CNTN4: variants seen among roughly 807,000 people sequenced by gnomAD.
CNTN4 encodes the protein contactin-4.
Under a neutral mutation model 122.5 loss-of-function variants are expected in CNTN4, and 77 were observed. That is an observed-to-expected ratio of 0.63 (90% CI 0.52 to 0.76). The LOEUF (loss-of-function observed/expected upper bound fraction) is 0.76. Ranked by LOEUF, CNTN4 falls within the 30% of genes least tolerant of loss-of-function variation. The probability of loss-of-function intolerance (pLI) is 0.00; values close to 1 mark genes in which losing one functional copy is unlikely to be tolerated. For missense variants in CNTN4, 1,256 were observed against 1,259.1 expected (o/e 1.00, Z 0.04); for synonymous variants, 512 against 447.0 (o/e 1.15, Z -1.83).
Position 2,837,521 on chromosome 3 carries a change from C to G in CNTN4, c.454+17940C>G, listed in dbSNP as rs190672656. On this transcript the variant is annotated intron_variant, in intron 7 of 24. Coordinates refer to ENST00000418658, the MANE Select transcript of CNTN4 (RefSeq NM_175607.3). ...CAGTGACGTGCATTTCATCTGCACA[C>G]AGCAACGGTCAGACTACTTGGCTTT... 2.0e-4 allele frequency among the ~76,000 whole-genome samples: 30 copies of G among 152,262 alleles called. No individual in the cohort carries two copies. In the East Asian group the frequency reaches 5.8e-3, roughly 29 times the overall value.
chr3:2,659,234 G>A (rs574677661), intron 4 of CNTN4, among the ~76,000 whole-genome samples: 10 of 152,024 alleles, frequency 6.6e-5, no homozygotes, highest in Admixed American at 2.6e-4. Flanking sequence ...AGGCCAAGGC[G>A]AGCAGATCAC....
rs187469768 is a variant in CNTN4, at chr3:2,193,218, T to C, written c.-145+92579T>C. On this transcript the variant is annotated intron_variant, in intron 2 of 24. Transcript: ENST00000418658. ...ATCTCTTCAGTACAGAATTTCATTC[T>C]TTTTGGAAAATTCCCTCCACATATC... Among the ~76,000 whole-genome samples the C allele has an allele frequency of 1.7e-3, 263 of 152,274 alleles. 1 individual carries two copies. The highest frequency in any genetic ancestry group is 6.0e-3 in the African/African-American group (248 of 41,554).
intron 3 of CNTN4, among the ~76,000 whole-genome samples, chr3:2,472,594 G>A (rs1248054703): frequency 6.6e-6 from 1 of 152,096 alleles, no homozygotes; most frequent in African/African-American, 2.4e-5. Flanking sequence ...ATGATAGAAT[G>A]CAATAAAGGT....
At chr3:2,587,990 C>A (rs539100994) in intron 4 of CNTN4, among the ~76,000 whole-genome samples, 1 of 151,948 alleles carries the variant, frequency 6.6e-6, no homozygotes, top group Non-Finnish European at 1.5e-5. Context: ...TCTAGGTCAG[C>A]GTTTCCCAAA....
intron 4 of CNTN4, among the ~76,000 whole-genome samples, chr3:2,690,809 A>G (rs972272277): frequency 1.3e-5 from 2 of 152,216 alleles, no homozygotes; most frequent in East Asian, 3.8e-4. Flanking sequence ...GTGTCCACCA[A>G]TAAAGTTTTA....
At chr3:2,396,591 A>G (rs2046648782) in intron 3 of CNTN4, among the ~76,000 whole-genome samples, 1 of 151,956 alleles carries the variant, frequency 6.6e-6, no homozygotes, top group African/African-American at 2.4e-5. Flanking sequence ...AGCTACCATG[A>G]TGCCACAAGA....
At chr3:2,778,664 G>T (rs1460920928) in intron 6 of CNTN4, among the ~76,000 whole-genome samples, 1 of 152,160 alleles carries the variant, frequency 6.6e-6, no homozygotes. Flanking sequence ...AAAGGAATCT[G>T]TTCTTATCAT....
intron 4 of CNTN4, among the ~76,000 whole-genome samples, chr3:2,650,669 G>A (rs1387954851): frequency 1.3e-5 from 2 of 152,138 alleles, no homozygotes; most frequent in East Asian, 1.9e-4. Flanking sequence ...CATCTTAATC[G>A]AGGGAAGACT....
chr3:2,904,061 G>T (rs887940806), intron 12 of CNTN4, among the ~76,000 whole-genome samples: 1 of 152,104 alleles, frequency 6.6e-6, no homozygotes, highest in Non-Finnish European at 1.5e-5. Flanking sequence ...GCATTATCCT[G>T]TAGAAAAATT....
At chr3:2,116,092 A>G (rs1374257810) in intron 2 of CNTN4, among the ~76,000 whole-genome samples, 1 of 152,132 alleles carries the variant, frequency 6.6e-6, no homozygotes, top group African/African-American at 2.4e-5. Context: ...AATCCTGATG[A>G]TCTTCAAATC....
rs2150045843 is a variant in CNTN4, at chr3:2,632,159, G to T, written c.55+60601G>T. On this transcript the variant is annotated intron_variant, in intron 4 of 24. Transcript: ENST00000418658. ...TCTCCTGATCTGTAATCTCTTAAAA[G>T]ACAGAGACTGTATTTTTCTAATTGT... Among the ~76,000 whole-genome samples, 2 of 152,084 alleles carry T rather than the reference G, an allele frequency of 1.3e-5. 1 individual carries two copies. Among genetic ancestry groups the T allele is most frequent in the Admixed American group, 1.3e-4 (2 of 15,274 alleles).
chr3:2,771,930 C>T (rs1423365561), intron 6 of CNTN4, among the ~76,000 whole-genome samples: 1 of 152,110 alleles, frequency 6.6e-6, no homozygotes, highest in East Asian at 1.9e-4. Flanking sequence ...AGAGAGCTGG[C>T]AGGGTGTTTC....
rs747008578 is a variant in CNTN4, at chr3:3,006,030, C to T, written c.1486+17558C>T. Among the ~76,000 whole-genome samples the T allele has an allele frequency of 2.1e-4, 32 of 151,868 alleles. No individual in the cohort carries two copies. In the South Asian group the frequency reaches 2.5e-3, roughly 12 times the overall value. On this transcript the variant is annotated intron_variant, in intron 14 of 24. Transcript: ENST00000418658. ...CCTCCCAAGTAGCTGGGACTACAGGCGCCCACCCCCACGCTCGGCTAATTT... is the reference window on the plus strand; with the variant it reads ...CCTCCCAAGTAGCTGGGACTACAGGTGCCCACCCCCACGCTCGGCTAATTT...
chr3:2,507,293 C>G (rs1382241307), intron 3 of CNTN4, among the ~76,000 whole-genome samples: 4 of 152,014 alleles, frequency 2.6e-5, no homozygotes, highest in Admixed American at 2.6e-4. Flanking sequence ...ATGATAACAG[C>G]CAGTAGCACC....
rs1304882101 is a variant in CNTN4, at chr3:2,789,632, T to C, written c.359-29854T>C. Among the ~76,000 whole-genome samples, 4 of 152,194 alleles carry C rather than the reference T, an allele frequency of 2.6e-5. No homozygotes were observed. The East Asian group carries it at 5.8e-4, about 22-fold the overall frequency. On this transcript the variant is annotated intron_variant, in intron 6 of 24. Transcript: ENST00000418658. ...ATTTTTAGTAGATGGAATTTCACCA[T>C]GTTGGCCAGGCTGGTCTGAAACTCC...
chr3:2,997,374 G>A (rs750662383), intron 14 of CNTN4, among the ~76,000 whole-genome samples: 1 of 152,202 alleles, frequency 6.6e-6, no homozygotes, highest in Non-Finnish European at 1.5e-5. Context: ...GGTCCCATGG[G>A]GGGAGCCAAC....
intron 2 of CNTN4, among the ~76,000 whole-genome samples, chr3:2,326,595 T>C (rs528862934): frequency 6.6e-6 from 1 of 152,200 alleles, no homozygotes; most frequent in South Asian, 2.1e-4. Context: ...AAAGGAAATA[T>C]ACTATCGCAT....
chr3:2,148,386 A>G (rs964769555), intron 2 of CNTN4, among the ~76,000 whole-genome samples: 2 of 151,822 alleles, frequency 1.3e-5, no homozygotes, highest in Admixed American at 6.6e-5. Context: ...ATAAAAAAAA[A>G]AAATTAGCCT....
At chr3:2,640,587 G>A (rs1054314690) in intron 4 of CNTN4, among the ~76,000 whole-genome samples, 1 of 152,194 alleles carries the variant, frequency 6.6e-6, no homozygotes, top group Non-Finnish European at 1.5e-5. Context: ...CAGTGACTGT[G>A]AGATAATAAC....
Sources: gnomAD v4.1 joint callset for allele counts (sites outside exome capture counted in the v4.1 genomes callset) on GRCh38, gnomAD v4.1.1 for gene constraint, MANE v1.5 for transcripts, NCBI Gene and HGNC (gene_info 2026-07-23, HGNC 2026-07-21) for gene names.